Variants in CACNA2D3 observed in about 807,000 individuals in gnomAD.
CACNA2D3 encodes the protein voltage-dependent calcium channel subunit alpha-2/delta-3.
CACNA2D3 carries 60 observed loss-of-function variants against 160.6 expected under a neutral mutation model. That is an observed-to-expected ratio of 0.37 (90% confidence interval 0.30 to 0.46). The LOEUF is 0.46. Ranked by LOEUF, CACNA2D3 falls within the 20% of genes least tolerant of loss-of-function variation. The pLI is 1.00. For missense variants in CACNA2D3, 1,205 were observed against 1,365.0 expected (o/e 0.88, Z 1.85); for synonymous variants, 558 against 492.9 (o/e 1.13, Z -1.75).
intron 8 of CACNA2D3, among the ~76,000 whole-genome samples, chr3:54,576,209 C>A (rs1004551692): frequency 6.6e-6 from 1 of 152,206 alleles, no homozygotes; most frequent in Admixed American, 6.5e-5. Context: ...TTTCATCTCT[C>A]AAGTTCAGCT....
intron 2 of CACNA2D3, among the ~76,000 whole-genome samples, chr3:54,257,394 T>C (rs1702316982): frequency 6.6e-6 from 1 of 152,206 alleles, no homozygotes; most frequent in Non-Finnish European, 1.5e-5. Context: ...ATTCTTCTTT[T>C]GAGAGAGTAA....
At chr3:54,239,293 G>T (rs757566754) in intron 2 of CACNA2D3, among the ~76,000 whole-genome samples, 4 of 152,170 alleles carry the variant, frequency 2.6e-5, no homozygotes, top group Admixed American at 6.6e-5. Flanking sequence ...TTATTGTACT[G>T]GTTAAATGTG....
At chr3:54,440,645 G>A (rs151233644) in intron 4 of CACNA2D3, among the ~76,000 whole-genome samples, 7 of 151,876 alleles carry the variant, frequency 4.6e-5, no homozygotes, top group Admixed American at 6.6e-5. Flanking sequence ...GCTCCCCTCC[G>A]CCCACAACAG....
intron 14 of CACNA2D3, among the ~76,000 whole-genome samples, chr3:54,829,596 G>A (rs1404967603): frequency 6.6e-6 from 1 of 152,148 alleles, no homozygotes; most frequent in Non-Finnish European, 1.5e-5. Context: ...ATGGCTTTCT[G>A]TTGTCTTCCT....
At chr3:54,173,369 A>G (rs1232862679) in intron 2 of CACNA2D3, among the ~76,000 whole-genome samples, 2 of 152,226 alleles carry the variant, frequency 1.3e-5, no homozygotes, top group African/African-American at 4.8e-5. Context: ...TTGGGCAACA[A>G]TTAGTATTAA....
chr3:54,900,825 C>T (rs189117690), intron 27 of CACNA2D3, among the ~76,000 whole-genome samples: 4 of 152,222 alleles, frequency 2.6e-5, no homozygotes, highest in East Asian at 1.9e-4. Context: ...TGTTCTTTGG[C>T]GAGGAAATAC....
At chr3:55,045,266 T>C (rs903441136) in intron 35 of CACNA2D3, among the ~76,000 whole-genome samples, 7 of 152,190 alleles carry the variant, frequency 4.6e-5, no homozygotes, top group Admixed American at 2.6e-4. Context: ...GCTAGGCTGG[T>C]CTTGAACTCC....
intron 11 of CACNA2D3, among the ~76,000 whole-genome samples, chr3:54,681,619 G>T (rs2106915261): frequency 6.6e-6 from 1 of 152,062 alleles, no homozygotes; most frequent in Admixed American, 6.5e-5. Context: ...ACATATAGGG[G>T]AAGATAGAAG....
At chr3:54,989,872 C>T (rs1490437043) in intron 31 of CACNA2D3, among the ~76,000 whole-genome samples, 1 of 152,218 alleles carries the variant, frequency 6.6e-6, no homozygotes, top group Non-Finnish European at 1.5e-5. Context: ...TGATGGGTCT[C>T]TGGTGTTGGA....
chr3:54,785,489 A>C (rs1222742651), intron 13 of CACNA2D3, among the ~76,000 whole-genome samples: 1 of 152,206 alleles, frequency 6.6e-6, no homozygotes, highest in Non-Finnish European at 1.5e-5. Context: ...ATCCTCCAAA[A>C]TGTTAAGAAC....
chr3:54,533,970 C>T (rs1402697364), intron 5 of CACNA2D3, among the ~76,000 whole-genome samples: 3 of 152,138 alleles, frequency 2.0e-5, no homozygotes, highest in Non-Finnish European at 4.4e-5. Context: ...CAAATAAAAA[C>T]ATATTTATTA....
At chr3:54,406,555 C>A (rs1212195908) in intron 4 of CACNA2D3, among the ~76,000 whole-genome samples, 1 of 151,628 alleles carries the variant, frequency 6.6e-6, no homozygotes, top group Non-Finnish European at 1.5e-5. Context: ...ATAAGCCAAA[C>A]ACAGAAAGAA....
intron 5 of CACNA2D3, among the ~76,000 whole-genome samples, chr3:54,506,877 A>C (rs1262487378): frequency 1.3e-5 from 2 of 152,244 alleles, no homozygotes; most frequent in African/African-American, 4.8e-5. Context: ...ATGCTTTTGC[A>C]AGAACTGCTG....
chr3:55,052,127 C>T (rs542961136), intron 35 of CACNA2D3, among the ~76,000 whole-genome samples: 9 of 152,260 alleles, frequency 5.9e-5, no homozygotes, highest in Non-Finnish European at 1.3e-4. Context: ...TTGGCTCCTC[C>T]CCTCACACTT....
At chr3:54,519,577 C>T (rs1279644242) in intron 5 of CACNA2D3, among the ~76,000 whole-genome samples, 6 of 152,204 alleles carry the variant, frequency 3.9e-5, no homozygotes, top group Non-Finnish European at 5.9e-5. Context: ...GGCAACACAG[C>T]GGCAATGATA....
intron 13 of CACNA2D3, among the ~76,000 whole-genome samples, chr3:54,771,169 CAGAG>C (rs1216332514): frequency 6.6e-6 from 1 of 152,112 alleles, no homozygotes; most frequent in African/African-American, 2.4e-5. Context: ...TTTCCAGACA[CAGAG>C]AGAGGGGTCA....
intron 2 of CACNA2D3, among the ~76,000 whole-genome samples, chr3:54,313,546 T>C (rs1703791104): frequency 6.6e-6 from 1 of 151,456 alleles, no homozygotes; most frequent in Admixed American, 6.6e-5. Context: ...CTCTTACTCC[T>C]AGCACACCGC....
rs778629547 is a variant in CACNA2D3 at position 54,383,366 on chromosome 3, A to G, written c.322-3349A>G. 3.1e-4 allele frequency among the ~76,000 whole-genome samples: 47 copies of G among 152,210 alleles called. 1 individual carries two copies. Among genetic ancestry groups the G allele is most frequent in the Middle Eastern group, 6.8e-3 (2 of 294 alleles). ...CTCAGAAAATGTAGGCCTGTCTCCT[A>G]TTGGCATCAGAGGGCAGGTTGGGAC... On this transcript the variant is annotated intron_variant, in intron 3 of 37. Transcript: ENST00000474759.
intron 11 of CACNA2D3, among the ~76,000 whole-genome samples, chr3:54,653,975 TAGTTC>T (rs1347994110): frequency 6.6e-6 from 1 of 152,174 alleles, no homozygotes; most frequent in African/African-American, 2.4e-5. Flanking sequence ...ACTGTTACCT[TAGTTC>T]ACTGTGTAAT....
Sources: allele counts gnomAD v4.1 joint callset (sites outside exome capture counted in the v4.1 genomes callset), GRCh38; gene constraint gnomAD v4.1.1; transcripts MANE v1.5; gene names NCBI Gene and HGNC (gene_info 2026-07-23, HGNC 2026-07-21).